The following DLGAP3 variants were observed in gnomAD, a reference collection of about 807,000 sequenced individuals.
DLGAP3 encodes the protein DLG associated protein 3, also known as disks large-associated protein 3.
DLGAP3 carries 17 observed loss-of-function variants against 81.2 expected under a neutral mutation model. The observed-to-expected ratio is 0.21, with a 90% CI of 0.14 to 0.31. The LOEUF (loss-of-function observed/expected upper bound fraction) is 0.31. DLGAP3 is among the 10% of genes least tolerant of loss of function. The pLI, the probability that DLGAP3 is intolerant of heterozygous loss-of-function variation, is 1.00. For missense variants in DLGAP3, 1,124 were observed against 1,388.0 expected (o/e 0.81, Z 3.02); for synonymous variants, 577 against 587.4 (o/e 0.98, Z 0.26).
intron 8 of DLGAP3, among the ~76,000 whole-genome samples, chr1:34,880,686 CAA>C (rs567644830): frequency 7.8e-6 from 1 of 128,518 alleles, no homozygotes. Context: ...GACTCTGTCT[CAA>C]AAAAAAAAAG....
intron 1 of DLGAP3, among the ~76,000 whole-genome samples, chr1:34,913,101 C>T (rs950769022): frequency 2.0e-5 from 3 of 152,168 alleles, no homozygotes; most frequent in Non-Finnish European, 4.4e-5. Flanking sequence ...GAAATCACCT[C>T]CTTTTCCCCT....
At chr1:34,894,611 G>A (rs72657948) in intron 5 of DLGAP3, among the ~76,000 whole-genome samples, 2,912 of 152,306 alleles carry the variant, frequency 0.019, 46 homozygotes, top group Middle Eastern at 0.041. Context: ...GAAAATAAAT[G>A]TTAAGCTAGA....
intron 5 of DLGAP3, among the ~76,000 whole-genome samples, chr1:34,886,487 T>C (rs1639232426): frequency 6.6e-6 from 1 of 152,164 alleles, no homozygotes; most frequent in Admixed American, 6.5e-5. Flanking sequence ...AAGGCTTGTC[T>C]TGGGGCCCAG....
At chr1:34,869,970 A>G (rs1638954186) in intron 8 of DLGAP3, among the ~76,000 whole-genome samples, 1 of 152,106 alleles carries the variant, frequency 6.6e-6, no homozygotes, top group South Asian at 2.1e-4. Context: ...CTAGAACATC[A>G]CAGGAAGAAA....
intron 1 of DLGAP3, among the ~76,000 whole-genome samples, chr1:34,909,530 T>C (rs1277924698): frequency 1.3e-5 from 2 of 152,206 alleles, no homozygotes; most frequent in Non-Finnish European, 2.9e-5. Flanking sequence ...CATTAATACA[T>C]GTAATCCCTC....
chr1:34,906,048 ATTTG>A (rs1381935092), intron 2 of DLGAP3, among the ~76,000 whole-genome samples: 34 of 137,704 alleles, frequency 2.5e-4, no homozygotes, highest in East Asian at 4.3e-4. Flanking sequence ...TTGTTTTTAT[ATTTG>A]TAAATGTATA....
rs893904927 is a variant in DLGAP3 at position 34,886,198 on chromosome 1, G to A, written c.1474C>T (p.Leu492=). Residue 492 remains leucine (L), a synonymous_variant, in exon 6 of 12, where the codon CTG becomes TTG. Coordinates refer to ENST00000373347, the MANE Select transcript of DLGAP3 (RefSeq NM_001080418.3). ...CTCCGCATGCGGAAACAGCCGGGCAGGTCCAGGGCGTCCACGGCCTGGGAC... is the reference window on the plus strand; with the variant it reads ...CTCCGCATGCGGAAACAGCCGGGCAAGTCCAGGGCGTCCACGGCCTGGGAC... ...LESQAVDALD[L]PGCFRMRSHS... 1.2e-5 allele frequency: 20 copies of A among 1,611,416 alleles called. No individual in the cohort carries two copies. Among genetic ancestry groups the A allele is most frequent in the East Asian group, 4.5e-5 (2 of 44,786 alleles).
At chr1:34,891,435 C>T (rs1639310657) in intron 5 of DLGAP3, among the ~76,000 whole-genome samples, 1 of 152,142 alleles carries the variant, frequency 6.6e-6, no homozygotes, top group African/African-American at 2.4e-5. Context: ...GCAAACTAAC[C>T]AGGAATTTAT....
In DLGAP3 at chr1:34,868,253, C is replaced by T. The variant is rs1440661461; in HGVS notation, c.2485+352G>A. Among the ~76,000 whole-genome samples the T allele has an allele frequency of 1.3e-5, 2 of 152,162 alleles. No homozygotes were observed. The highest frequency in any genetic ancestry group is 2.9e-5 in the Non-Finnish European group (2 of 68,028). On this transcript the variant is annotated intron_variant, in intron 9 of 11. Coordinates refer to ENST00000373347, the MANE Select transcript of DLGAP3 (RefSeq NM_001080418.3). The surrounding 1 kb of genome is among the most constrained non-coding windows in gnomAD (Gnocchi z 7.5). The stretch of plus-strand genomic sequence containing the variant: ...TCCCTCTCTGTAATCTTGGTCGCAC[C>T]ACCTGGATCCCCACACCAGTCCAGA...
intron 1 of DLGAP3, among the ~76,000 whole-genome samples, chr1:34,927,299 G>C (rs892120997): frequency 5.3e-5 from 8 of 152,312 alleles, no homozygotes; most frequent in Middle Eastern, 3.4e-3. Context: ...ATGGAGGATT[G>C]CAAAGTTCCT....
At chr1:34,922,945 G>GA (rs944966528) in intron 1 of DLGAP3, among the ~76,000 whole-genome samples, 10 of 151,792 alleles carry the variant, frequency 6.6e-5, no homozygotes, top group African/African-American at 1.7e-4. Context: ...CTCTCAGTGG[G>GA]AAAAAATCGT....
chr1:34,927,026 G>A (rs1439272373), intron 1 of DLGAP3, among the ~76,000 whole-genome samples: 4 of 152,142 alleles, frequency 2.6e-5, no homozygotes, highest in South Asian at 2.1e-4. Flanking sequence ...GTACTAACAT[G>A]AGAAAGTCTG....
chr1:34,901,614 T>C (rs1372998890), intron 3 of DLGAP3, among the ~76,000 whole-genome samples: 1 of 151,930 alleles, frequency 6.6e-6, no homozygotes, highest in Non-Finnish European at 1.5e-5. Context: ...CAATAGAGAG[T>C]TTCCAGGACA....
chr1:34,912,678 C>G (rs1394837850), intron 1 of DLGAP3, among the ~76,000 whole-genome samples: 1 of 152,168 alleles, frequency 6.6e-6, no homozygotes, highest in Non-Finnish European at 1.5e-5. Flanking sequence ...CTGTGATAAG[C>G]CATGTGTGTC....
intron 8 of DLGAP3, among the ~76,000 whole-genome samples, chr1:34,869,849 C>G (rs1375211884): frequency 2.0e-5 from 3 of 152,210 alleles, no homozygotes; most frequent in African/African-American, 7.2e-5. Flanking sequence ...GTCCTCAGCT[C>G]TACCTAGAGA....
chr1:34,912,855 C>T (rs1017680171), intron 1 of DLGAP3, among the ~76,000 whole-genome samples: 1 of 152,210 alleles, frequency 6.6e-6, no homozygotes, highest in South Asian at 2.1e-4. Flanking sequence ...TTCAACTGTG[C>T]CCATGGATAG....
At chr1:34,883,097 T>C (rs1639168989) in intron 8 of DLGAP3, among the ~76,000 whole-genome samples, 1 of 152,248 alleles carries the variant, frequency 6.6e-6, no homozygotes, top group Non-Finnish European at 1.5e-5. Context: ...CTACATAATA[T>C]GCAATAAAAT....
Position 34,868,705 on chromosome 1 carries a change from G to A in DLGAP3, c.2385C>T (p.Gly795=), listed in dbSNP as rs773331125. 17 of 1,611,224 alleles carry A rather than the reference G, an allele frequency of 1.1e-5. No individual in the cohort carries two copies. In the East Asian group the frequency reaches 1.1e-4, roughly 11 times the overall value. Reference sequence around the variant, plus strand: ...CCCGCAGCATCTTGATGAACCACTCGCCGTCGCGTGGGCAGGGGGATGCGC... The same window carrying A: ...CCCGCAGCATCTTGATGAACCACTCACCGTCGCGTGGGCAGGGGGATGCGC... ...SGRASPCPRD[G]EWFIKMLRAE... is the part of the protein sequence containing the mutation. Residue 795 remains glycine, a synonymous_variant, in exon 9 of 12, where the codon GGC becomes GGT. Transcript: ENST00000373347. The surrounding 1 kb of genome is among the most constrained non-coding windows in gnomAD (Gnocchi z 7.5).
intron 1 of DLGAP3, among the ~76,000 whole-genome samples, chr1:34,922,302 A>G (rs984421199): frequency 1.3e-5 from 2 of 152,238 alleles, no homozygotes; most frequent in Non-Finnish European, 2.9e-5. Context: ...GAGAAGAGCT[A>G]CAAGTAGCAG....
Sources: allele counts gnomAD v4.1 joint callset (sites outside exome capture counted in the v4.1 genomes callset), GRCh38; gene constraint gnomAD v4.1.1; non-coding constraint Gnocchi (gnomAD v3.1); transcripts MANE v1.5; gene names NCBI Gene and HGNC (gene_info 2026-07-23, HGNC 2026-07-21).